The following ARB2A variants were observed in gnomAD, a reference collection of about 807,000 sequenced individuals.
ARB2A encodes cotranscriptional regulator ARB2A.
At chr5:94,084,275 A>C in the ARB2A span, among the ~76,000 whole-genome samples, 1 of 358 alleles carries the variant, frequency 2.8e-3, no homozygotes, top group Non-Finnish European at 0.013. Context: ...ACTTCATCTC[A>C]AAAAAAAAAA....
chr5:93,657,682 C>G, the ARB2A span, among the ~76,000 whole-genome samples: 1 of 152,120 alleles, frequency 6.6e-6, no homozygotes, highest in African/African-American at 2.4e-5. Flanking sequence ...GATTACAGTA[C>G]TAATTTCCCT....
the ARB2A span, among the ~76,000 whole-genome samples, chr5:93,943,835 G>T: frequency 3.3e-5 from 5 of 152,080 alleles, no homozygotes; most frequent in East Asian, 9.6e-4. Context: ...TATTCAATCA[G>T]CTTTTCAAAT....
chr5:93,872,191 G>A, the ARB2A span, among the ~76,000 whole-genome samples: 2 of 151,892 alleles, frequency 1.3e-5, no homozygotes, highest in East Asian at 1.9e-4. Flanking sequence ...CAAGTGATCC[G>A]CCTGCCTCGG....
chr5:93,652,751 C>T, the ARB2A span, among the ~76,000 whole-genome samples: 1 of 152,282 alleles, frequency 6.6e-6, no homozygotes, highest in Admixed American at 6.5e-5. Context: ...CACTATGACA[C>T]ACAGAAGGAA....
chr5:93,983,692 G>A, the ARB2A span, among the ~76,000 whole-genome samples: 1 of 152,216 alleles, frequency 6.6e-6, no homozygotes, highest in African/African-American at 2.4e-5. Flanking sequence ...AAAAATAATA[G>A]TACTTTTGTG....
At chr5:93,825,995 C>T in the ARB2A span, among the ~76,000 whole-genome samples, 3 of 151,578 alleles carry the variant, frequency 2.0e-5, no homozygotes, top group African/African-American at 7.3e-5. Context: ...GGGAAAAAAA[C>T]CTAAATATAT....
At chr5:93,667,105 A>C in the ARB2A span, among the ~76,000 whole-genome samples, 1 of 152,204 alleles carries the variant, frequency 6.6e-6, no homozygotes, top group South Asian at 2.1e-4. Flanking sequence ...AGGTGCATAC[A>C]TCAAAAATTC....
chr5:94,011,246 G>A, the ARB2A span, among the ~76,000 whole-genome samples: 1 of 152,116 alleles, frequency 6.6e-6, no homozygotes, highest in Admixed American at 6.6e-5. Flanking sequence ...TAATGATGAA[G>A]TGCTCCTCGG....
the ARB2A span, among the ~76,000 whole-genome samples, chr5:93,967,944 AAG>A: frequency 6.6e-6 from 1 of 152,106 alleles, no homozygotes; most frequent in African/African-American, 2.4e-5. Flanking sequence ...AAATAACTCT[AAG>A]AGTCAGGCCC....
chr5:94,101,132 A>G, the ARB2A span, among the ~76,000 whole-genome samples: 27 of 152,332 alleles, frequency 1.8e-4, no homozygotes, highest in Admixed American at 1.6e-3. Flanking sequence ...ACCCTATTAA[A>G]AAGTAAACAA....
chr5:93,831,125 A>G, the ARB2A span, among the ~76,000 whole-genome samples: 1 of 152,048 alleles, frequency 6.6e-6, no homozygotes, highest in Non-Finnish European at 1.5e-5. Context: ...ATACAGATGA[A>G]GCTTTGGCTT....
the ARB2A span, among the ~76,000 whole-genome samples, chr5:93,630,467 C>G: frequency 6.6e-6 from 1 of 152,146 alleles, no homozygotes; most frequent in African/African-American, 2.4e-5. Flanking sequence ...TCAAGTTTGA[C>G]CAGAGATAAT....
At chr5:93,802,630 G>A in the ARB2A span, among the ~76,000 whole-genome samples, 1 of 151,998 alleles carries the variant, frequency 6.6e-6, no homozygotes, top group Non-Finnish European at 1.5e-5. Flanking sequence ...ACATAATTAT[G>A]CTTTTATAAA....
the ARB2A span, among the ~76,000 whole-genome samples, chr5:93,816,961 CA>C: frequency 1.3e-5 from 2 of 151,080 alleles, no homozygotes; most frequent in South Asian, 4.2e-4. Context: ...GGGAATTTGG[CA>C]AAAAAACAAA....
the ARB2A span, among the ~76,000 whole-genome samples, chr5:93,987,608 T>C: frequency 6.6e-6 from 1 of 152,226 alleles, no homozygotes; most frequent in South Asian, 2.1e-4. Context: ...AGTGACTACT[T>C]GCTCGGCATA....
chr5:94,020,245 G>C, the ARB2A span, among the ~76,000 whole-genome samples: 12 of 151,638 alleles, frequency 7.9e-5, no homozygotes, highest in East Asian at 7.8e-4. Context: ...CACGGGGCGG[G>C]GGGGGTAACA....
the ARB2A span, among the ~76,000 whole-genome samples, chr5:93,635,459 G>GTTTTTTTT: frequency 1.7e-4 from 22 of 128,920 alleles, 1 homozygote; most frequent in African/African-American, 6.3e-4. Flanking sequence ...TTATACGAAA[G>GTTTTTTTT]TTTTTTTTTT....
At chr5:93,712,966 T>G in the ARB2A span, among the ~76,000 whole-genome samples, 4 of 152,224 alleles carry the variant, frequency 2.6e-5, no homozygotes, top group South Asian at 8.3e-4. Flanking sequence ...AAGGACAGTC[T>G]CCTCAATAAA....
the ARB2A span, among the ~76,000 whole-genome samples, chr5:94,033,453 C>T: frequency 6.6e-6 from 1 of 152,088 alleles, no homozygotes; most frequent in Admixed American, 6.6e-5. Flanking sequence ...GAGATGGAGT[C>T]TCGCTCTGTC....
Sources: gnomAD v4.1 joint callset for allele counts (sites outside exome capture counted in the v4.1 genomes callset) on GRCh38, gnomAD v4.1.1 for gene constraint, MANE v1.5 for transcripts, NCBI Gene and HGNC (gene_info 2026-07-23, HGNC 2026-07-21) for gene names.